SLC16A4: variants seen among roughly 807,000 people sequenced by gnomAD.
SLC16A4 encodes the protein probable monocarboxylate transporter 5.
In SLC16A4, 39 loss-of-function variants were observed where a neutral mutation model predicts 47.9. The observed-to-expected ratio is 0.81, with a 90% CI of 0.63 to 1.06. SLC16A4 has a LOEUF of 1.06. Ranked by LOEUF, SLC16A4 falls within the 50% of genes least tolerant of loss-of-function variation. The pLI, the probability that SLC16A4 is intolerant of heterozygous loss-of-function variation, is 0.00. For missense variants in SLC16A4, 524 were observed against 573.8 expected (o/e 0.91, Z 0.89); for synonymous variants, 189 against 199.9 (o/e 0.95, Z 0.46).
At chr1:110,369,278 A>G (rs901331006) in intron 8 of SLC16A4, among the ~76,000 whole-genome samples, 9 of 150,908 alleles carry the variant, frequency 6.0e-5, no homozygotes, top group Non-Finnish European at 1.3e-4. Context: ...TAGGATTACT[A>G]TGTAAGTTTA....
rs1233650665 is a variant in SLC16A4, at chr1:110,377,007, G to T, written c.1185C>A (p.Tyr395Ter). Residue 395 changes from tyrosine (Y) to a stop codon, truncating the protein, a stop_gained, in exon 7 of 9, where the codon TAC becomes TAA. Coordinates refer to ENST00000369779, the MANE Select transcript of SLC16A4 (RefSeq NM_004696.3). LOFTEE classifies it high-confidence loss of function. ...CAGCAAAGATGGCAAAGCAGATGGTGTAGGTCATAAGTAGTGGAAATGTGG... is the reference window on the plus strand; with the variant it reads ...CAGCAAAGATGGCAAAGCAGATGGTTTAGGTCATAAGTAGTGGAAATGTGG... ...LATTFPLLMT[Y>*]TICFAIFAGG... 6.8e-6 allele frequency: 11 copies of T among 1,614,132 alleles called. No homozygotes were observed. Among genetic ancestry groups the T allele is most frequent in the South Asian group, 1.1e-5 (1 of 91,080 alleles).
chr1:110,364,905 T>C (rs1263443893), intron 8 of SLC16A4, among the ~76,000 whole-genome samples: 1 of 152,034 alleles, frequency 6.6e-6, no homozygotes, highest in Non-Finnish European at 1.5e-5. Context: ...TTTTTTCTTT[T>C]TTTTTTTTAA....
In SLC16A4 at chr1:110,389,292, T is replaced by C. The variant is rs1662900761; in HGVS notation, c.32A>G (p.Tyr11Cys). 1 of 1,613,920 alleles carries C rather than the reference T, an allele frequency of 6.2e-7. No homozygotes were observed. Among genetic ancestry groups the C allele is most frequent in the Middle Eastern group, 1.7e-4 (1 of 6,060 alleles). Residue 11 changes from tyrosine to cysteine, a missense_variant, in exon 2 of 9, where the codon TAC (tyrosine) becomes TGC (cysteine). Tyr to Cys is a radical substitution (Grantham distance 194). Transcript: ENST00000369779. ...CCATCCTCCATCCAGGGTTTTAGTG[T>C]AAGGTTGGACCTTCCCCTCCCTCTT... MLKREGKVQPYTKTLDGGWGW... is the reference protein window; with the variant it reads MLKREGKVQPCTKTLDGGWGW...
intron 5 of SLC16A4, chr1:110,380,009 A>T (rs980826673): frequency 1.4e-5 from 2 of 147,826 alleles, no homozygotes; most frequent in African/African-American, 5.0e-5. Flanking sequence ...GTGAGCCGGT[A>T]TCATGCCACA....
At position 110,376,938 on chromosome 1, in the gene SLC16A4, G is replaced by A. The variant is rs1408488592; in HGVS notation, c.1242+12C>T. 1.2e-6 allele frequency: 2 copies of A among 1,605,308 alleles called. No individual in the cohort carries two copies. Among genetic ancestry groups the A allele is most frequent in the Admixed American group, 3.3e-5 (2 of 59,834 alleles). On this transcript the variant is annotated intron_variant, in intron 7 of 8. Transcript: ENST00000369779. ...AAATGGTTTAACAATGTTAATGAGT[G>A]TGTCTACTCACCAGTACAGGCAGTA... is the stretch of plus-strand genomic sequence containing the variant.
At chr1:110,383,699 T>C (rs1662556394) in intron 2 of SLC16A4, among the ~76,000 whole-genome samples, 1 of 150,458 alleles carries the variant, frequency 6.6e-6, no homozygotes. Context: ...TCCTAAACCA[T>C]AATTTCTAAT....
In SLC16A4 at chr1:110,389,017, AT is replaced by A. The variant is rs1400314059; in HGVS notation, c.87+219del. 1.7e-4 allele frequency among the ~76,000 whole-genome samples: 26 copies of A among 152,314 alleles called. 1 individual carries two copies. Among genetic ancestry groups the A allele is most frequent in the African/African-American group, 6.3e-4 (26 of 41,570 alleles). ...GAGCCCCCACACCCAGCCCAGGAAC[AT>A]TTCTGCTTTTGCTCTAGGGGCATTT... is the stretch of plus-strand genomic sequence containing the variant. On this transcript the variant is annotated intron_variant, in intron 2 of 8. Coordinates refer to ENST00000369779, the MANE Select transcript of SLC16A4 (RefSeq NM_004696.3).
In SLC16A4 at chr1:110,378,904, TG is replaced by T; in HGVS notation, c.978del (p.Thr328HisfsTer15). ...TCCATGATGTCAATCCCCAGTGTTTTGGCTCTGGCTACCAGGTGAAAGGTAG... is the reference window on the plus strand; with the variant it reads ...TCCATGATGTCAATCCCCAGTGTTTTGCTCTGGCTACCAGGTGAAAGGTAG... The part of the protein sequence containing the change: ...FIPTFHLVAR[A>X]KTLGIDIMDA... On this transcript the variant is annotated frameshift_variant, in exon 6 of 9. Coordinates refer to ENST00000369779, the MANE Select transcript of SLC16A4 (RefSeq NM_004696.3). LOFTEE classifies it high-confidence loss of function. 1 of 1,614,170 alleles carries T rather than the reference TG, an allele frequency of 6.2e-7. No homozygotes were observed. The highest frequency in any genetic ancestry group is 8.5e-7 in the Non-Finnish European group (1 of 1,180,014).
At chr1:110,364,939 A>G (rs1661300637) in intron 8 of SLC16A4, among the ~76,000 whole-genome samples, 1 of 151,372 alleles carries the variant, frequency 6.6e-6, no homozygotes, top group African/African-American at 2.4e-5. Context: ...AGCAAAGAAT[A>G]TTTATGCTAA....
chr1:110,378,777 T>C, intron 6 of SLC16A4, 76 bp downstream of exon 6: 1 of 1,504,206 alleles, frequency 6.6e-7, no homozygotes. Flanking sequence ...CTTTAGCTTT[T>C]TATTAAAATG....
At chr1:110,390,591 A>G (rs1280194003) in intron 1 of SLC16A4, among the ~76,000 whole-genome samples, 1 of 152,240 alleles carries the variant, frequency 6.6e-6, no homozygotes, top group Non-Finnish European at 1.5e-5. Flanking sequence ...ATTCAGGAGT[A>G]ACATGACACT....
In SLC16A4 at chr1:110,375,483, A is replaced by G. The variant is rs1458940349; in HGVS notation, c.1311T>C (p.Ala437=). Residue 437 remains alanine, a synonymous_variant, in exon 8 of 9, where the codon GCT becomes GCC. Coordinates refer to ENST00000369779, the MANE Select transcript of SLC16A4 (RefSeq NM_004696.3). The part of the protein sequence containing the change: ...LGLASFFAGM[A]VLSGPPIAGW... ...CTGCTATAGGTGGTCCAGAAAGGAC[A>G]GCCATCCCAGCAAAGAAACTGGCAA... 1.9e-6 allele frequency: 3 copies of G among 1,611,862 alleles called. No homozygotes were observed. Among genetic ancestry groups the G allele is most frequent in the Non-Finnish European group, 2.5e-6 (3 of 1,178,018 alleles).
At chr1:110,378,784 A>G in intron 6 of SLC16A4, 69 bp downstream of exon 6, 9 of 1,502,428 alleles carry the variant, frequency 6.0e-6, no homozygotes, top group Non-Finnish European at 8.0e-6. Flanking sequence ...TTTTTATTAA[A>G]ATGTAATAAG....
At chr1:110,380,837 T>G (rs1242933521) in intron 5 of SLC16A4, 145 bp downstream of exon 5, 10 of 713,204 alleles carry the variant, frequency 1.4e-5, no homozygotes, top group Non-Finnish European at 2.2e-5. Context: ...GAAGCATGTT[T>G]ACTTTAGAAA....
chr1:110,382,458 CAAAAA>C (rs200469040), intron 3 of SLC16A4, among the ~76,000 whole-genome samples: 1 of 137,066 alleles, frequency 7.3e-6, no homozygotes, highest in African/African-American at 2.7e-5. Context: ...GACTGTGTCT[CAAAAA>C]AAAAAAATAA....
At chr1:110,371,184 A>C (rs992713724) in intron 8 of SLC16A4, 1 of 152,242 alleles carries the variant, frequency 6.6e-6, no homozygotes, top group Non-Finnish European at 1.5e-5. Flanking sequence ...AAGTAATCAA[A>C]TAATTACTTA....
chr1:110,385,298 A>T (rs774113688), intron 2 of SLC16A4, among the ~76,000 whole-genome samples: 6 of 152,176 alleles, frequency 3.9e-5, no homozygotes, highest in Non-Finnish European at 7.3e-5. Flanking sequence ...CGCTTTTATG[A>T]TGGGGGAGGC....
At chr1:110,367,066 T>C (rs1294421987) in intron 8 of SLC16A4, among the ~76,000 whole-genome samples, 7 of 152,248 alleles carry the variant, frequency 4.6e-5, no homozygotes, top group African/African-American at 1.7e-4. Context: ...TGACTGATTA[T>C]TTTATGAAAG....
In SLC16A4 at chr1:110,375,637, A is replaced by T; in HGVS notation, c.1243-86T>A. On this transcript the variant is annotated intron_variant, in intron 7 of 8. Transcript: ENST00000369779. ...CCTAAAAGGGACAAATACTATTTATATCATCTCAAGCTATGAACAGTGACT... is the reference window on the plus strand; with the variant it reads ...CCTAAAAGGGACAAATACTATTTATTTCATCTCAAGCTATGAACAGTGACT... 4.0e-6 allele frequency: 3 copies of T among 748,994 alleles called. No homozygotes were observed. In the South Asian group the frequency reaches 4.9e-5, roughly 12 times the overall value. 46.4% of individuals were successfully genotyped at this position (748,994 alleles called of 1,614,324 possible).
Sources: gnomAD v4.1 joint callset for allele counts (sites outside exome capture counted in the v4.1 genomes callset) on GRCh38, gnomAD v4.1.1 for gene constraint, MANE v1.5 for transcripts, NCBI Gene and HGNC (gene_info 2026-07-23, HGNC 2026-07-21) for gene names.